The following PAPOLG variants were observed in gnomAD, a reference collection of about 807,000 sequenced individuals.
PAPOLG encodes poly(A) polymerase gamma.
PAPOLG carries 40 observed loss-of-function variants against 99.0 expected under a neutral mutation model. That is an observed-to-expected ratio of 0.40 (90% confidence interval 0.31 to 0.53). The LOEUF (loss-of-function observed/expected upper bound fraction) is 0.53, where lower values mean the gene tolerates loss of function less well. PAPOLG is among the 20% of genes least tolerant of loss of function. The pLI is 0.41. For synonymous variants in PAPOLG, 310 were observed against 299.3 expected (o/e 1.04, Z -0.37); for missense variants, 675 against 884.1 (o/e 0.76, Z 3.00).
At chr2:60,792,444 T>C (rs770770465) in intron 17 of PAPOLG, among the ~76,000 whole-genome samples, 155 bp downstream of exon 17, 2 of 152,206 alleles carry the variant, frequency 1.3e-5, no homozygotes, top group Non-Finnish European at 2.9e-5. Flanking sequence ...AAATAACTCG[T>C]GGTAATCCTG....
intron 21 of PAPOLG, among the ~76,000 whole-genome samples, chr2:60,796,335 C>T (rs1272004105): frequency 2.1e-5 from 3 of 146,058 alleles, no homozygotes; most frequent in Non-Finnish European, 4.5e-5. Flanking sequence ...AAAAGGGTTT[C>T]ACCATATTGG....
chr2:60,782,861 C>CT, intron 12 of PAPOLG, 91 bp downstream of exon 12: 3 of 1,364,754 alleles, frequency 2.2e-6, no homozygotes, highest in South Asian at 3.1e-5. Context: ...GGTGACAGCT[C>CT]TTTTATTTCT....
chr2:60,783,323 T>A, intron 13 of PAPOLG, 114 bp downstream of exon 13: 30 of 288,820 alleles, frequency 1.0e-4, no homozygotes, highest in South Asian at 1.9e-4. Flanking sequence ...TTATTATATC[T>A]CTTTTTTTTT....
intron 7 of PAPOLG, among the ~76,000 whole-genome samples, chr2:60,771,965 A>G (rs766721321): frequency 4.7e-4 from 71 of 152,144 alleles, no homozygotes; most frequent in Non-Finnish European, 9.0e-4. Context: ...AAATTTAAAA[A>G]GTACTTATTC....
At chr2:60,769,677 CCTTT>C (rs1670790500) in intron 5 of PAPOLG, among the ~76,000 whole-genome samples, 1 of 151,982 alleles carries the variant, frequency 6.6e-6, no homozygotes, top group South Asian at 2.1e-4. Context: ...ACTCTAGTAG[CCTTT>C]CTAAATAATC....
intron 6 of PAPOLG, among the ~76,000 whole-genome samples, chr2:60,770,825 G>A (rs1177863033): frequency 2.0e-5 from 3 of 151,952 alleles, no homozygotes; most frequent in Admixed American, 2.0e-4. Flanking sequence ...GGGTTTCACC[G>A]TGTTAGCCAG....
At chr2:60,759,418 G>C (rs925316324) in intron 1 of PAPOLG, among the ~76,000 whole-genome samples, 1 of 151,890 alleles carries the variant, frequency 6.6e-6, no homozygotes, top group Non-Finnish European at 1.5e-5. Context: ...CTTTATTCAA[G>C]ACCGTAGTTT....
At chr2:60,766,864 A>G (rs775263819) in intron 3 of PAPOLG, among the ~76,000 whole-genome samples, 16 of 152,170 alleles carry the variant, frequency 1.1e-4, no homozygotes, top group Non-Finnish European at 2.4e-4. Context: ...ATCCCTAGGA[A>G]CATGTCGTGG....
Position 60,756,519 on chromosome 2 carries a change from G to C in PAPOLG, c.17+24G>C, listed in dbSNP as rs775238084. On this transcript the variant is annotated intron_variant, in intron 1 of 21. Coordinates refer to ENST00000238714, the MANE Select transcript of PAPOLG (RefSeq NM_022894.4). ...GCGTAAGTGGTGGGGGGCGGCGGTT[G>C]GGGTGAGGCGGGTAGGGGTGAGCTG... 34 of 1,590,888 alleles carry C rather than the reference G, an allele frequency of 2.1e-5. No individual in the cohort carries two copies. The Admixed American group carries it at 5.6e-4, about 26-fold the overall frequency.
In PAPOLG at chr2:60,792,202, T is replaced by G; in HGVS notation, c.1592T>G (p.Leu531Arg). ...SKRLSLDSSCLDSSRDTDNGT... is the reference protein window; with the variant it reads ...SKRLSLDSSCRDSSRDTDNGT... ...AGATTGTCTCTGGATAGCAGTTGTCTGGATAGCTCCAGAGACACTGATAAT... is the reference window on the plus strand; with the variant it reads ...AGATTGTCTCTGGATAGCAGTTGTCGGGATAGCTCCAGAGACACTGATAAT... Residue 531 changes from leucine (L) to arginine (R), a missense_variant, in exon 17 of 22, where the codon CTG becomes CGG. Leu to Arg is a moderately radical substitution (Grantham distance 102). Around this residue, in one of 3 missense-constraint regions of PAPOLG, gnomAD observed 413 missense variants for 460.5 expected, o/e 0.90. Transcript: ENST00000238714. The G allele has an allele frequency of 1.2e-6, 2 of 1,609,266 alleles. No individual in the cohort carries two copies. The highest frequency in any genetic ancestry group is 4.5e-5 in the East Asian group (2 of 44,858).
intron 8 of PAPOLG, among the ~76,000 whole-genome samples, chr2:60,777,616 A>G (rs563781121): frequency 3.9e-5 from 6 of 152,246 alleles, no homozygotes; most frequent in South Asian, 2.1e-4. Flanking sequence ...CTTTCGGACT[A>G]TCATAACTTT....
chr2:60,778,639 C>G (rs1671095326), intron 8 of PAPOLG, among the ~76,000 whole-genome samples: 1 of 152,132 alleles, frequency 6.6e-6, no homozygotes, highest in African/African-American at 2.4e-5. Flanking sequence ...AAAGCTGTTA[C>G]AAGTTAAAAA....
intron 1 of PAPOLG, among the ~76,000 whole-genome samples, chr2:60,758,746 C>G (rs1670434470): frequency 6.6e-6 from 1 of 152,024 alleles, no homozygotes. Flanking sequence ...AGATCTTTAG[C>G]TATTACAGCG....
intron 13 of PAPOLG, among the ~76,000 whole-genome samples, chr2:60,784,327 A>G (rs1190562129): frequency 6.6e-6 from 1 of 152,224 alleles, no homozygotes; most frequent in African/African-American, 2.4e-5. Context: ...TAGAAAAGAC[A>G]TTTTGTATAT....
rs1671542211 is a variant in PAPOLG at position 60,791,743 on chromosome 2, A to G, written c.1397-18A>G. 4 of 1,579,084 alleles carry G rather than the reference A, an allele frequency of 2.5e-6. No homozygotes were observed. Among genetic ancestry groups the G allele is most frequent in the South Asian group, 2.4e-5 (2 of 84,668 alleles). ...TTCAGAAAGAAGTTTCCCATTTAAC[A>G]TATTAACATTGTTACAGTGTACAGA... On this transcript the variant is annotated intron_variant, in intron 15 of 21. Coordinates refer to ENST00000238714, the MANE Select transcript of PAPOLG (RefSeq NM_022894.4).
rs891902675 is a variant in PAPOLG at position 60,800,888 on chromosome 2, G to C, written c.*3728G>C. The C allele has an allele frequency of 6.6e-6, 1 of 152,260 alleles. No homozygotes were observed. The highest frequency in any genetic ancestry group is 1.5e-5 in the Non-Finnish European group (1 of 68,016). 9.4% of individuals were successfully genotyped at this position (152,260 alleles called of 1,614,324 possible). A position where few individuals can be genotyped will look rare whatever the true frequency, so the allele number is the denominator to read the frequency against. ...TGTGGTATATTTCTGAAAATGTGCT[G>C]TGGCTCCTAACTAGTAAAATGGGCT... On this transcript the variant is annotated 3_prime_UTR_variant, in exon 22 of 22. Coordinates refer to ENST00000238714, the MANE Select transcript of PAPOLG (RefSeq NM_022894.4).
intron 15 of PAPOLG, 167 bp from the exon 16 acceptor site, chr2:60,791,594 G>A (rs760921008): frequency 1.6e-6 from 1 of 644,210 alleles, no homozygotes; most frequent in Non-Finnish European, 2.5e-6. Context: ...GGATTGTGAT[G>A]TGATGGAAGT....
chr2:60,767,860 G>A lies in PAPOLG; in HGVS notation c.247-610G>A, dbSNP rs148699421. Among the ~76,000 whole-genome samples, 455 of 152,328 alleles carry A rather than the reference G, an allele frequency of 3.0e-3. 3 individuals are homozygous for A. The highest frequency in any genetic ancestry group is 0.01 in the African/African-American group (421 of 41,566). On this transcript the variant is annotated intron_variant, in intron 3 of 21. Coordinates refer to ENST00000238714, the MANE Select transcript of PAPOLG (RefSeq NM_022894.4). ...CTACCGAAAGAGTGATGAAGCGAAA[G>A]ACAGGCAGTTGGAGGGGACAAGTAT...
chr2:60,760,006 C>T (rs151161931), intron 1 of PAPOLG, 128 bp from the exon 2 acceptor site: 97 of 875,478 alleles, frequency 1.1e-4, no homozygotes, highest in East Asian at 7.9e-4. Context: ...AAAGTGTCTG[C>T]CACTACTGTT....
Sources: allele counts gnomAD v4.1 joint callset (sites outside exome capture counted in the v4.1 genomes callset), GRCh38; gene constraint gnomAD v4.1.1; regional missense constraint gnomAD v4.1.1; transcripts MANE v1.5; gene names NCBI Gene and HGNC (gene_info 2026-07-23, HGNC 2026-07-21).